The following FNDC3A variants were observed in gnomAD, a reference collection of about 807,000 sequenced individuals.
The protein encoded by FNDC3A is fibronectin type III domain containing 3A.
FNDC3A carries 32 observed loss-of-function variants against 148.9 expected under a neutral mutation model. That is an observed-to-expected ratio of 0.21 (90% confidence interval 0.16 to 0.29). FNDC3A has a LOEUF of 0.29. Among genes scored for constraint, FNDC3A ranks in the 10% least tolerant of loss-of-function variants. FNDC3A has a pLI of 1.00. For synonymous variants in FNDC3A, 472 were observed against 473.6 expected (o/e 1.00, Z 0.04); for missense variants, 1,191 against 1,452.8 (o/e 0.82, Z 2.93).
intron 5 of FNDC3A, among the ~76,000 whole-genome samples, chr13:49,134,437 T>G (rs1329557933): frequency 6.6e-6 from 1 of 152,200 alleles, no homozygotes; most frequent in Non-Finnish European, 1.5e-5. Flanking sequence ...TATCACTCAT[T>G]AGCTGATGGA....
chr13:49,188,696 C>G (rs1885719518), intron 17 of FNDC3A, 63 bp downstream of exon 17: 2 of 936,362 alleles, frequency 2.1e-6, no homozygotes, highest in South Asian at 2.8e-5. Context: ...GGTAGGATCA[C>G]CAGGTGCCAC....
chr13:49,102,901 G>A (rs745629297), intron 3 of FNDC3A, among the ~76,000 whole-genome samples: 3 of 152,030 alleles, frequency 2.0e-5, no homozygotes, highest in Non-Finnish European at 4.4e-5. Flanking sequence ...TAATAGCATG[G>A]CATGTCATAG....
chr13:48,992,733 T>C (rs909952644), intron 1 of FNDC3A, among the ~76,000 whole-genome samples: 1 of 152,188 alleles, frequency 6.6e-6, no homozygotes, highest in African/African-American at 2.4e-5. Flanking sequence ...AGTAAAGCTA[T>C]TTCAAAAATC....
At chr13:49,094,451 G>A (rs144745332) in intron 3 of FNDC3A, among the ~76,000 whole-genome samples, 5 of 152,144 alleles carry the variant, frequency 3.3e-5, no homozygotes, top group African/African-American at 4.8e-5. Context: ...AATACTGATT[G>A]TACTATATAG....
At chr13:49,054,413 C>T (rs774111269) in intron 2 of FNDC3A, among the ~76,000 whole-genome samples, 20 of 152,216 alleles carry the variant, frequency 1.3e-4, no homozygotes, top group South Asian at 4.2e-4. Flanking sequence ...CCTATCAGAC[C>T]CACTACTGCC....
chr13:49,042,556 G>T (rs1875018817), intron 2 of FNDC3A, among the ~76,000 whole-genome samples: 1 of 152,016 alleles, frequency 6.6e-6, no homozygotes, highest in Non-Finnish European at 1.5e-5. Context: ...TGAGAGGATC[G>T]CTAGAGCCCA....
At chr13:49,175,086 A>G (rs1884959068) in intron 12 of FNDC3A, among the ~76,000 whole-genome samples, 1 of 152,168 alleles carries the variant, frequency 6.6e-6, no homozygotes, top group African/African-American at 2.4e-5. Context: ...CACGAGTGTT[A>G]TTGTTTCCAT....
chr13:49,016,571 T>G (rs1872800874), intron 2 of FNDC3A, among the ~76,000 whole-genome samples: 1 of 152,204 alleles, frequency 6.6e-6, no homozygotes, highest in African/African-American at 2.4e-5. Context: ...TTCATTAATT[T>G]TTTGAAGGGT....
chr13:49,150,399 A>G (rs189506195), intron 8 of FNDC3A, among the ~76,000 whole-genome samples: 2 of 152,204 alleles, frequency 1.3e-5, no homozygotes, highest in East Asian at 3.9e-4. Context: ...GTAGACATTT[A>G]TTGCTATAAA....
chr13:49,163,636 C>T (rs1884295385), intron 8 of FNDC3A, among the ~76,000 whole-genome samples: 1 of 152,148 alleles, frequency 6.6e-6, no homozygotes, highest in Admixed American at 6.5e-5. Context: ...CCTTGGGCTG[C>T]ACCCACTTTC....
Position 49,120,227 on chromosome 13 carries a change from A to C in FNDC3A, c.252+5496A>C, listed in dbSNP as rs1459982220. 3.9e-5 allele frequency among the ~76,000 whole-genome samples: 6 copies of C among 152,336 alleles called. No homozygotes were observed. In the East Asian group the frequency reaches 1.2e-3, roughly 29 times the overall value. ...AAGAATTTTCAACCCAGAATTTCATATCCAACCAAACTAAGCTTCATAAGC... is the reference window on the plus strand; with the variant it reads ...AAGAATTTTCAACCCAGAATTTCATCTCCAACCAAACTAAGCTTCATAAGC... On this transcript the variant is annotated intron_variant, in intron 4 of 25. Coordinates refer to ENST00000492622, the MANE Select transcript of FNDC3A (RefSeq NM_001079673.2).
intron 4 of FNDC3A, among the ~76,000 whole-genome samples, chr13:49,115,330 A>G (rs891845504): frequency 2.6e-5 from 4 of 152,230 alleles, no homozygotes; most frequent in South Asian, 2.1e-4. Context: ...CAGGTGTTCA[A>G]TATCTTCCAC....
chr13:49,143,681 G>A (rs79737857), intron 7 of FNDC3A, among the ~76,000 whole-genome samples: 255 of 152,062 alleles, frequency 1.7e-3, no homozygotes, highest in African/African-American at 5.9e-3. Flanking sequence ...TGTAACTCTG[G>A]TAAACAGTTC....
chr13:49,071,725 T>TG (rs1470608815), intron 2 of FNDC3A, among the ~76,000 whole-genome samples: 5 of 98,078 alleles, frequency 5.1e-5, no homozygotes, highest in Non-Finnish European at 1.2e-4. Context: ...TCTGATTATT[T>TG]GGTTTTTTTT....
intron 13 of FNDC3A, among the ~76,000 whole-genome samples, chr13:49,177,552 AAC>A (rs1014524384): frequency 6.6e-5 from 10 of 152,202 alleles, no homozygotes; most frequent in African/African-American, 2.4e-4. Flanking sequence ...AAGAATTGAA[AAC>A]ACATGTTCAT....
chr13:49,080,447 T>G (rs1878396584), intron 3 of FNDC3A, among the ~76,000 whole-genome samples: 1 of 152,232 alleles, frequency 6.6e-6, no homozygotes, highest in Non-Finnish European at 1.5e-5. Context: ...ACTTTTGAAA[T>G]GAGTGCTAGT....
At chr13:48,997,279 A>G (rs1430791650) in intron 1 of FNDC3A, among the ~76,000 whole-genome samples, 1 of 152,206 alleles carries the variant, frequency 6.6e-6, no homozygotes. Context: ...AGCTGTTGTC[A>G]TCATATAGAT....
chr13:49,148,767 T>A (rs920836504), intron 8 of FNDC3A, among the ~76,000 whole-genome samples: 1 of 152,180 alleles, frequency 6.6e-6, no homozygotes, highest in Non-Finnish European at 1.5e-5. Flanking sequence ...TGATAGGGAT[T>A]CCATTGAATA....
At position 49,201,814 on chromosome 13, in the gene FNDC3A, A is replaced by G. The variant is rs764297443; in HGVS notation, c.3002A>G (p.Tyr1001Cys). The change falls in exon 24 of 26, where the codon TAC (tyrosine) becomes TGC (cysteine). Residue 1001 changes from tyrosine to cysteine, a missense_variant. Physicochemically the swap from Tyr to Cys is radical, Grantham distance 194. Coordinates refer to ENST00000492622, the MANE Select transcript of FNDC3A (RefSeq NM_001079673.2). ...EDKNGRFVSL[Y>C]RGPCHTYKVQ... ...TTCCATTTTAGGTTTGTATCCCTATACAGAGGACCATGTCATACATACAAA... is the reference window on the plus strand; with the variant it reads ...TTCCATTTTAGGTTTGTATCCCTATGCAGAGGACCATGTCATACATACAAA... 2 of 1,528,356 alleles carry G rather than the reference A, an allele frequency of 1.3e-6. No homozygotes were observed. Among genetic ancestry groups the G allele is most frequent in the Non-Finnish European group, 1.8e-6 (2 of 1,131,318 alleles). 94.7% of individuals were successfully genotyped at this position (1,528,356 alleles called of 1,614,324 possible).
Sources: allele counts gnomAD v4.1 joint callset (sites outside exome capture counted in the v4.1 genomes callset), GRCh38; gene constraint gnomAD v4.1.1; transcripts MANE v1.5; gene names NCBI Gene and HGNC (gene_info 2026-07-23, HGNC 2026-07-21).